ADAMTS3: variants seen among roughly 807,000 people sequenced by gnomAD.
ADAMTS3 encodes A disintegrin and metalloproteinase with thrombospondin motifs 3.
A neutral mutation model predicts 129.0 loss-of-function variants in ADAMTS3; 73 were observed. The observed-to-expected ratio is 0.57, with a 90% CI of 0.47 to 0.69. The LOEUF (loss-of-function observed/expected upper bound fraction) is 0.69. Ranked by LOEUF, ADAMTS3 falls within the 30% of genes least tolerant of loss-of-function variation. ADAMTS3 has a pLI of 0.00. For synonymous variants in ADAMTS3, 477 were observed against 510.8 expected (o/e 0.93, Z 0.89); for missense variants, 1,457 against 1,514.5 (o/e 0.96, Z 0.63).
intron 3 of ADAMTS3, among the ~76,000 whole-genome samples, chr4:72,456,092 A>ATATATAG (rs1302024989): frequency 2.3e-4 from 1 of 4,306 alleles, no homozygotes. Flanking sequence ...TATATATTTT[A>ATATATAG]TATATATAGT....
chr4:72,286,923 A>G (rs753294204), intron 21 of ADAMTS3, among the ~76,000 whole-genome samples: 23 of 152,048 alleles, frequency 1.5e-4, no homozygotes, highest in Non-Finnish European at 2.2e-4. Flanking sequence ...GACAGACACA[A>G]GGAGTAAAAG....
At chr4:72,323,307 T>C (rs982966092) in intron 5 of ADAMTS3, 11 of 540,380 alleles carry the variant, frequency 2.0e-5, no homozygotes, top group Non-Finnish European at 2.7e-5. Flanking sequence ...AACTCCACAG[T>C]AATATGAACG....
intron 4 of ADAMTS3, among the ~76,000 whole-genome samples, chr4:72,388,689 T>C (rs928427632): frequency 1.9e-4 from 29 of 152,200 alleles, no homozygotes; most frequent in African/African-American, 5.8e-4. Flanking sequence ...CCACAGGCTA[T>C]ATTCTGTCAG....
chr4:72,456,573 A>T (rs1718626012), intron 3 of ADAMTS3, among the ~76,000 whole-genome samples: 1 of 150,958 alleles, frequency 6.6e-6, no homozygotes, highest in African/African-American at 2.4e-5. Context: ...GCTATATCAT[A>T]CAAAGGATAA....
chr4:72,326,886 A>G (rs1719712646), intron 5 of ADAMTS3, among the ~76,000 whole-genome samples: 1 of 152,126 alleles, frequency 6.6e-6, no homozygotes, highest in African/African-American at 2.4e-5. Flanking sequence ...TTTAAAAGCT[A>G]TTTCCAGCAG....
At chr4:72,490,505 T>C (rs1719711646) in intron 3 of ADAMTS3, among the ~76,000 whole-genome samples, 1 of 152,082 alleles carries the variant, frequency 6.6e-6, no homozygotes, top group Non-Finnish European at 1.5e-5. Flanking sequence ...AAGCTTTTAA[T>C]ACATTTGAAC....
intron 3 of ADAMTS3, among the ~76,000 whole-genome samples, chr4:72,533,520 C>A (rs1470820347): frequency 6.6e-6 from 1 of 151,812 alleles, no homozygotes; most frequent in Non-Finnish European, 1.5e-5. Context: ...GTAACAAAGT[C>A]ATTTATTATC....
At chr4:72,532,029 G>A (rs1431852496) in intron 3 of ADAMTS3, among the ~76,000 whole-genome samples, 6 of 148,810 alleles carry the variant, frequency 4.0e-5, no homozygotes, top group African/African-American at 1.2e-4. Context: ...TGAGCATTGG[G>A]AAAGGGCCAG....
chr4:72,403,618 G>T (rs953222102), intron 4 of ADAMTS3, among the ~76,000 whole-genome samples: 1 of 151,928 alleles, frequency 6.6e-6, no homozygotes, highest in Non-Finnish European at 1.5e-5. Context: ...GTGTGCTTGA[G>T]TTATGCAGAA....
chr4:72,391,829 C>T (rs978008169), intron 4 of ADAMTS3, among the ~76,000 whole-genome samples: 2 of 151,840 alleles, frequency 1.3e-5, no homozygotes, highest in Non-Finnish European at 2.9e-5. Flanking sequence ...ATGATGACAA[C>T]CTGTCAAGGC....
intron 4 of ADAMTS3, among the ~76,000 whole-genome samples, chr4:72,378,304 A>G (rs981736051): frequency 6.6e-6 from 1 of 152,158 alleles, no homozygotes; most frequent in African/African-American, 2.4e-5. Flanking sequence ...AAGAGTCAAA[A>G]TGGTTACTTT....
chr4:72,559,226 A>C (rs6446835), intron 2 of ADAMTS3, among the ~76,000 whole-genome samples: 146,129 of 151,690 alleles, frequency 0.96, 70,789 homozygotes, highest in East Asian at 1. Context: ...TCCTGTCACT[A>C]GCATCCAAAG....
At chr4:72,416,471 T>C (rs1490562330) in intron 3 of ADAMTS3, among the ~76,000 whole-genome samples, 1 of 152,068 alleles carries the variant, frequency 6.6e-6, no homozygotes, top group Non-Finnish European at 1.5e-5. Context: ...ACAACTCTTC[T>C]ACTATTCTTG....
chr4:72,417,263 G>A (rs549401079), intron 3 of ADAMTS3, among the ~76,000 whole-genome samples: 6 of 152,154 alleles, frequency 3.9e-5, no homozygotes, highest in Admixed American at 3.3e-4. Context: ...GCCTGACTCA[G>A]GGAAGAAACA....
intron 3 of ADAMTS3, among the ~76,000 whole-genome samples, chr4:72,541,810 G>A (rs1721334002): frequency 6.6e-6 from 1 of 152,164 alleles, no homozygotes; most frequent in African/African-American, 2.4e-5. Context: ...CCCTAGCCAT[G>A]TGGAACTGTG....
At chr4:72,439,542 A>G (rs1718056848) in intron 3 of ADAMTS3, among the ~76,000 whole-genome samples, 1 of 151,718 alleles carries the variant, frequency 6.6e-6, no homozygotes, top group African/African-American at 2.4e-5. Context: ...AGTGACTGGT[A>G]TAATGTTTTA....
At chr4:72,384,649 T>C (rs1384132929) in intron 4 of ADAMTS3, among the ~76,000 whole-genome samples, 2 of 152,136 alleles carry the variant, frequency 1.3e-5, no homozygotes, top group African/African-American at 4.8e-5. Flanking sequence ...AAAGCAGAAC[T>C]ACACCACAAA....
intron 3 of ADAMTS3, chr4:72,441,726 G>C (rs1197183550): frequency 6.6e-6 from 1 of 151,768 alleles, no homozygotes; most frequent in African/African-American, 2.4e-5. Context: ...AACAGAGCTG[G>C]TGTTGGTTTA....
chr4:72,343,180 C>A (rs1243734929), intron 4 of ADAMTS3, among the ~76,000 whole-genome samples: 1 of 152,040 alleles, frequency 6.6e-6, no homozygotes, highest in Non-Finnish European at 1.5e-5. Flanking sequence ...TCTTATTATT[C>A]AAATGGGCTT....
Sources: allele counts gnomAD v4.1 joint callset (sites outside exome capture counted in the v4.1 genomes callset), GRCh38; gene constraint gnomAD v4.1.1; transcripts MANE v1.5; gene names NCBI Gene and HGNC (gene_info 2026-07-23, HGNC 2026-07-21).